Variants in L3HYPDH observed in about 807,000 individuals in gnomAD.
The protein encoded by L3HYPDH is trans-L-3-hydroxyproline dehydratase, also known as trans-3-hydroxy-L-proline dehydratase.
L3HYPDH carries 32 observed loss-of-function variants against 26.5 expected under a neutral mutation model. That is an observed-to-expected ratio of 1.21 (90% CI 0.91 to 1.62). L3HYPDH has a LOEUF of 1.62. Among genes scored for constraint, L3HYPDH ranks in the 40% most tolerant of loss-of-function variants. L3HYPDH has a pLI of 0.00. For synonymous variants in L3HYPDH, 215 were observed against 196.6 expected (o/e 1.09, Z -0.78); for missense variants, 554 against 476.4 (o/e 1.16, Z -1.52).
chr14:59,503,626 C>T, the L3HYPDH span, among the ~76,000 whole-genome samples: 2 of 152,166 alleles, frequency 1.3e-5, no homozygotes, highest in African/African-American at 2.4e-5. Context: ...ACGTAGCTTT[C>T]GTCTGGGTGC....
chr14:59,471,039 T>C (rs975774645), downstream of L3HYPDH, among the ~76,000 whole-genome samples: 3 of 146,922 alleles, frequency 2.0e-5, no homozygotes, highest in Non-Finnish European at 3.0e-5. Flanking sequence ...TGGGAAGGGA[T>C]AGATGTGAGC....
the L3HYPDH span, chr14:59,501,345 T>A: frequency 1.1e-6 from 1 of 873,472 alleles, no homozygotes; most frequent in Non-Finnish European, 1.8e-6. Context: ...CCATATGATA[T>A]GATATAGTAC....
intron 1 of L3HYPDH, 29 bp downstream of exon 1, chr14:59,483,780 C>T (rs1329553039): frequency 6.3e-7 from 1 of 1,585,962 alleles, no homozygotes; most frequent in Non-Finnish European, 8.5e-7. Flanking sequence ...TGCAGCTCTG[C>T]CCTGGGCTGG....
At chr14:59,465,518 C>T (rs992116131) in intron 1 of L3HYPDH, among the ~76,000 whole-genome samples, 6 of 152,240 alleles carry the variant, frequency 3.9e-5, no homozygotes, top group African/African-American at 1.4e-4. Context: ...TTCGGGTTTC[C>T]GAGAGTGCCA....
At chr14:59,475,647 C>T (rs1272909) in intron 4 of L3HYPDH, among the ~76,000 whole-genome samples, 71,695 of 152,032 alleles carry the variant, frequency 0.47, 18,298 homozygotes, top group African/African-American at 0.67. Context: ...ATTATGAACA[C>T]AGTTTTGACC....
At chr14:59,502,100 A>G in the L3HYPDH span, among the ~76,000 whole-genome samples, 2 of 152,188 alleles carry the variant, frequency 1.3e-5, no homozygotes, top group Admixed American at 1.3e-4. Flanking sequence ...CTTTGAATCA[A>G]AATGGGCATT....
chr14:59,484,775 A>T, upstream of L3HYPDH: 2 of 939,424 alleles, frequency 2.1e-6, no homozygotes, highest in Non-Finnish European at 3.1e-6. Context: ...GTCTGTCCGC[A>T]ACGGGCTACT....
intron 1 of L3HYPDH, among the ~76,000 whole-genome samples, chr14:59,483,209 T>C (rs567922355): frequency 3.9e-5 from 6 of 152,280 alleles, no homozygotes; most frequent in Non-Finnish European, 8.8e-5. Context: ...GATTAAGTAA[T>C]TTGCCTAAGG....
Position 59,479,177 on chromosome 14 carries a change from C to G in L3HYPDH, c.678+5G>C, listed in dbSNP as rs111509047. 6.3e-7 allele frequency: 1 copy of G among 1,598,404 alleles called. No homozygotes were observed. Among genetic ancestry groups the G allele is most frequent in the Admixed American group, 1.8e-5 (1 of 55,214 alleles). On this transcript the variant is annotated splice_donor_5th_base_variant and intron_variant, in intron 2 of 4. Coordinates refer to ENST00000247194, the MANE Select transcript of L3HYPDH (RefSeq NM_144581.2). The stretch of plus-strand genomic sequence containing the variant: ...AATTGGTTATGAAGGCAGAGTATTA[C>G]TGACCTGAGCTTTCACTGCCTCTGT...
chr14:59,503,718 A>G, the L3HYPDH span: 178 of 609,924 alleles, frequency 2.9e-4, no homozygotes, highest in African/African-American at 2.9e-3. Context: ...TGATTTCTTA[A>G]GTCTTTTTTA....
Position 59,476,082 on chromosome 14 carries a change from G to C in L3HYPDH, c.801+10C>G. 6.2e-7 allele frequency: 1 copy of C among 1,613,792 alleles called. No homozygotes were observed. Among genetic ancestry groups the C allele is most frequent in the South Asian group, 1.1e-5 (1 of 91,024 alleles). On this transcript the variant is annotated intron_variant, in intron 3 of 4. Coordinates refer to ENST00000247194, the MANE Select transcript of L3HYPDH (RefSeq NM_144581.2). ...CTGGCTTTTGTCCCTAAACATTACA[G>C]TTTTAATACCTGTTCATCTGCAAAA...
At chr14:59,469,909 A>G (rs983925125), downstream of L3HYPDH, among the ~76,000 whole-genome samples, 1 of 152,174 alleles carries the variant, frequency 6.6e-6, no homozygotes, top group African/African-American at 2.4e-5. Context: ...CAATTTAAGG[A>G]CAGAGTAGTC....
intron 1 of L3HYPDH, among the ~76,000 whole-genome samples, chr14:59,481,023 G>GA (rs1180644152): frequency 6.6e-6 from 1 of 152,174 alleles, no homozygotes; most frequent in East Asian, 1.9e-4. Flanking sequence ...GGACCAGGAT[G>GA]AAATTGGGAA....
chr14:59,502,766 T>G, the L3HYPDH span, among the ~76,000 whole-genome samples: 6 of 2,818 alleles, frequency 2.1e-3, no homozygotes, highest in Non-Finnish European at 0.023. Context: ...TTTTTTTTTT[T>G]TTTTTTTCGG....
chr14:59,492,177 A>G, the L3HYPDH span, among the ~76,000 whole-genome samples: 1 of 152,186 alleles, frequency 6.6e-6, no homozygotes, highest in South Asian at 2.1e-4. Context: ...CCATAACAAT[A>G]AGATTATTAG....
chr14:59,501,743 A>G, the L3HYPDH span, among the ~76,000 whole-genome samples: 1 of 152,216 alleles, frequency 6.6e-6, no homozygotes, highest in Admixed American at 6.5e-5. Flanking sequence ...TTACCCCATA[A>G]TGTTTGGGGG....
intron 1 of L3HYPDH, among the ~76,000 whole-genome samples, 181 bp from the exon 2 acceptor site, chr14:59,479,532 C>T (rs1161993282): frequency 1.3e-5 from 2 of 152,210 alleles, no homozygotes; most frequent in South Asian, 2.1e-4. Context: ...TAGCTAGATG[C>T]ATCATTCTAT....
At chr14:59,468,009 C>T (rs147730738), downstream of L3HYPDH, among the ~76,000 whole-genome samples, 8 of 152,296 alleles carry the variant, frequency 5.3e-5, no homozygotes, top group African/African-American at 9.6e-5. Context: ...TTGTCCTAAC[C>T]GGTCTTCCCA....
In L3HYPDH at chr14:59,484,094, T is replaced by G. The variant is rs775961112; in HGVS notation, c.223A>C (p.Met75Leu). 2.3e-5 allele frequency: 37 copies of G among 1,606,242 alleles called. No individual in the cohort carries two copies. The highest frequency in any genetic ancestry group is 3.3e-5 in the South Asian group (3 of 90,900). The change falls in exon 1 of 5, where the codon ATG (methionine) becomes CTG (leucine). Residue 75 changes from methionine (M) to leucine (L), a missense_variant. Transcript: ENST00000247194. The stretch of plus-strand genomic sequence containing the variant: ...CTCGGGACTAGGACCGCCCCGTACA[T>G]GTCCCGGTGCCCTCGGGGCTCGAAC... ...LMFEPRGHRD[M>L]YGAVLVPSEL... is the part of the protein sequence containing the mutation.
Sources: allele counts gnomAD v4.1 joint callset (sites outside exome capture counted in the v4.1 genomes callset), GRCh38; gene constraint gnomAD v4.1.1; transcripts MANE v1.5; gene names NCBI Gene and HGNC (gene_info 2026-07-23, HGNC 2026-07-21).